The following ATF7IP2 variants were observed in gnomAD, a reference collection of about 807,000 sequenced individuals.
ATF7IP2 encodes the protein activating transcription factor 7 interacting protein 2.
A neutral mutation model predicts 64.2 loss-of-function variants in ATF7IP2; 42 were observed. That is an observed-to-expected ratio of 0.65 (90% confidence interval 0.51 to 0.85). The LOEUF is 0.85. Among genes scored for constraint, ATF7IP2 ranks in the 40% least tolerant of loss-of-function variants. ATF7IP2 has a pLI of 0.00. For missense variants in ATF7IP2, 933 were observed against 784.2 expected (o/e 1.19, Z -2.27); for synonymous variants, 308 against 272.8 (o/e 1.13, Z -1.27).
intron 12 of ATF7IP2, among the ~76,000 whole-genome samples, chr16:10,477,513 C>T (rs1196409837): frequency 6.6e-6 from 1 of 152,108 alleles, no homozygotes; most frequent in Middle Eastern, 3.2e-3. Context: ...AACCCACAGC[C>T]AATATCATAC....
intron 1 of ATF7IP2, among the ~76,000 whole-genome samples, chr16:10,388,432 A>G (rs747176729): frequency 6.6e-6 from 1 of 152,190 alleles, no homozygotes; most frequent in Non-Finnish European, 1.5e-5. Flanking sequence ...TAGAGGCATT[A>G]TATGTGTCTA....
Position 10,431,013 on chromosome 16 carries a change from A to T in ATF7IP2, c.393A>T (p.Thr131=), listed in dbSNP as rs1461267691. Residue 131 remains threonine (T), a synonymous_variant, in exon 5 of 14, where the codon ACA becomes ACT. Transcript: ENST00000562102. The part of the protein sequence containing the change: ...RTTESPSRVF[T]EEAKDSLNTS... ...CAGAATCCCCCAGCAGAGTCTTCAC[A>T]GAAGAGGCAAAAGATTCACTGAACA... The T allele has an allele frequency of 6.2e-7, 1 of 1,614,240 alleles. No individual in the cohort carries two copies. The highest frequency in any genetic ancestry group is 8.5e-7 in the Non-Finnish European group (1 of 1,180,048).
chr16:10,442,475 G>A (rs2048662262), intron 8 of ATF7IP2, among the ~76,000 whole-genome samples: 1 of 152,180 alleles, frequency 6.6e-6, no homozygotes, highest in Non-Finnish European at 1.5e-5. Context: ...TAGAAGGTAT[G>A]ATACAGCAGC....
intron 1 of ATF7IP2, among the ~76,000 whole-genome samples, chr16:10,392,440 G>A (rs893134192): frequency 1.3e-5 from 2 of 151,478 alleles, no homozygotes; most frequent in African/African-American, 2.4e-5. Flanking sequence ...TTACAGGTGT[G>A]AGCCACTGCT....
chr16:10,432,507 G>A lies in ATF7IP2; in HGVS notation c.836-1018G>A, dbSNP rs557538170. Reference sequence around the variant, plus strand: ...GTAATTAACAGCACTTTGGGAGGCCGAGGCAGGAGGATCGCTTGAGCCATC... The same window carrying A: ...GTAATTAACAGCACTTTGGGAGGCCAAGGCAGGAGGATCGCTTGAGCCATC... On this transcript the variant is annotated intron_variant, in intron 5 of 13. Transcript: ENST00000562102. Among the ~76,000 whole-genome samples, 8 of 152,208 alleles carry A rather than the reference G, an allele frequency of 5.3e-5. No individual in the cohort carries two copies. The South Asian group carries it at 8.3e-4, about 16-fold the overall frequency.
At chr16:10,420,357 G>A (rs1242287271) in intron 3 of ATF7IP2, among the ~76,000 whole-genome samples, 1 of 152,220 alleles carries the variant, frequency 6.6e-6, no homozygotes, top group Non-Finnish European at 1.5e-5. Context: ...GAGGGAACAT[G>A]GGTGACATCC....
chr16:10,457,140 T>C (rs192646673), intron 8 of ATF7IP2, among the ~76,000 whole-genome samples: 190 of 152,334 alleles, frequency 1.2e-3, no homozygotes, highest in African/African-American at 4.4e-3. Context: ...TTTTCCTTCT[T>C]TCCATCCAAG....
chr16:10,454,192 C>CCT, intron 8 of ATF7IP2: 1 of 151,622 alleles, frequency 6.6e-6, no homozygotes, highest in Non-Finnish European at 1.5e-5. Context: ...GGGCAGATCA[C>CCT]AAGGTCAGAA....
chr16:10,409,392 C>G (rs1020466158), intron 1 of ATF7IP2, among the ~76,000 whole-genome samples: 1 of 151,932 alleles, frequency 6.6e-6, no homozygotes, highest in Non-Finnish European at 1.5e-5. Context: ...ACAAGCTAAA[C>G]CTTTGAAGAG....
At chr16:10,479,175 C>A (rs1293334017) in intron 12 of ATF7IP2, among the ~76,000 whole-genome samples, 5 of 150,412 alleles carry the variant, frequency 3.3e-5, no homozygotes, top group African/African-American at 1.2e-4. Flanking sequence ...GACTATAAAT[C>A]ATGCTGCTAT....
intron 2 of ATF7IP2, among the ~76,000 whole-genome samples, chr16:10,419,211 T>A (rs1392374845): frequency 6.6e-6 from 1 of 152,218 alleles, no homozygotes; most frequent in African/African-American, 2.4e-5. Context: ...ATAGAATGAT[T>A]ACATCCAGGC....
At position 10,457,398 on chromosome 16, in the gene ATF7IP2, G is replaced by C. The variant is rs2142010567; in HGVS notation, c.1221G>C (p.Leu407Phe). 6.8e-6 allele frequency: 11 copies of C among 1,606,958 alleles called. No individual in the cohort carries two copies. The highest frequency in any genetic ancestry group is 9.3e-6 in the Non-Finnish European group (11 of 1,177,862). ...SKVANSEAMI[L>F]DKNLESVNSP... is the part of the protein sequence containing the mutation. ...TTGCAAATTCAGAGGCTATGATTTT[G>C]GATAAGAATCTTGAGTCAGTTAATA... Residue 407 changes from leucine to phenylalanine, a missense_variant, in exon 9 of 14, where the codon TTG becomes TTC. Transcript: ENST00000562102.
chr16:10,459,712 C>T (rs984413233), intron 9 of ATF7IP2, among the ~76,000 whole-genome samples: 1 of 152,118 alleles, frequency 6.6e-6, no homozygotes, highest in African/African-American at 2.4e-5. Context: ...TCACAACTCA[C>T]TATAGATGCA....
At position 10,429,948 on chromosome 16, in the gene ATF7IP2, G is replaced by A. The variant is rs1350034338; in HGVS notation, c.-10-663G>A. Among the ~76,000 whole-genome samples the A allele has an allele frequency of 4.6e-5, 7 of 151,754 alleles. No individual in the cohort carries two copies. In the South Asian group the frequency reaches 8.3e-4, roughly 18 times the overall value. On this transcript the variant is annotated intron_variant, in intron 4 of 13. Coordinates refer to ENST00000562102, the MANE Select transcript of ATF7IP2 (RefSeq NM_001393719.1). ...GCTCACTGCAACCTCCACCTCCCGG[G>A]TTCGAGTGATTCTTGTGCTTCAGCC... is the stretch of plus-strand genomic sequence containing the variant.
At chr16:10,392,263 T>A (rs1378058634) in intron 1 of ATF7IP2, among the ~76,000 whole-genome samples, 1 of 151,782 alleles carries the variant, frequency 6.6e-6, no homozygotes, top group East Asian at 1.9e-4. Context: ...GGTCTTGAAC[T>A]ACTGACCTCA....
chr16:10,447,343 G>A (rs1452011392), intron 8 of ATF7IP2: 1 of 152,110 alleles, frequency 6.6e-6, no homozygotes, highest in Non-Finnish European at 1.5e-5. Flanking sequence ...AGCCTTTGAG[G>A]CCACTGCACC....
intron 3 of ATF7IP2, among the ~76,000 whole-genome samples, chr16:10,423,007 G>A (rs1021163718): frequency 6.6e-6 from 1 of 152,230 alleles, no homozygotes; most frequent in African/African-American, 2.4e-5. Flanking sequence ...CACTTTGGGA[G>A]GCCGAGGCAG....
At chr16:10,475,239 A>C (rs948144061) in intron 12 of ATF7IP2, among the ~76,000 whole-genome samples, 20 of 152,240 alleles carry the variant, frequency 1.3e-4, no homozygotes, top group Non-Finnish European at 4.4e-5. Context: ...GATTGGAAGT[A>C]TGCTGTTACA....
At chr16:10,422,237 GTA>G (rs2048000939) in intron 3 of ATF7IP2, among the ~76,000 whole-genome samples, 1 of 152,152 alleles carries the variant, frequency 6.6e-6, no homozygotes, top group Admixed American at 6.5e-5. Flanking sequence ...CATTTTAAAG[GTA>G]TAGGTTCTGG....
Sources: gnomAD v4.1 joint callset for allele counts (sites outside exome capture counted in the v4.1 genomes callset) on GRCh38, gnomAD v4.1.1 for gene constraint, MANE v1.5 for transcripts, NCBI Gene and HGNC (gene_info 2026-07-23, HGNC 2026-07-21) for gene names.